The following TMEFF2 variants were observed in gnomAD, a reference collection of about 807,000 sequenced individuals.
TMEFF2 encodes tomoregulin-2.
In TMEFF2, 28 loss-of-function variants were observed where a neutral mutation model predicts 53.8. The ratio of observed to expected loss-of-function variants is 0.52; its 90% CI spans 0.39 to 0.71. The LOEUF is 0.71. TMEFF2 is among the 30% of genes least tolerant of loss of function. TMEFF2 has a pLI of 0.00. For synonymous variants in TMEFF2, 162 were observed against 166.3 expected, an observed-to-expected ratio of 0.97 and a Z score of 0.20; for missense variants, 353 against 455.2, an observed-to-expected ratio of 0.78 and a Z score of 2.04.
intron 4 of TMEFF2, among the ~76,000 whole-genome samples, chr2:192,059,924 G>T (rs1231433405): frequency 2.0e-5 from 3 of 152,040 alleles, no homozygotes; most frequent in African/African-American, 7.2e-5. Context: ...GGAAGCATTG[G>T]TTTGCACCTT....
At chr2:192,163,260 T>C (rs6754386) in intron 4 of TMEFF2, among the ~76,000 whole-genome samples, 152,138 of 152,326 alleles carry the variant, frequency 1, 75,976 homozygotes, top group Middle Eastern at 1. Flanking sequence ...GACATTTACA[T>C]TGACAAAGAA....
At position 191,956,576 on chromosome 2, in the gene TMEFF2, T is replaced by C. The variant is rs192988411; in HGVS notation, c.746-198A>G. Among the ~76,000 whole-genome samples the C allele has an allele frequency of 1.3e-3, 200 of 152,330 alleles. 2 individuals carry two copies. Among genetic ancestry groups the C allele is most frequent in the African/African-American group, 4.5e-3 (189 of 41,590 alleles). On this transcript the variant is annotated intron_variant, in intron 7 of 9. Coordinates refer to ENST00000272771, the MANE Select transcript of TMEFF2 (RefSeq NM_016192.4). ...TGTTTAGAGATGAAATTTGCAAAATTACCCAGTGCTTTTTATGCTTTCATG... is the reference window on the plus strand; with the variant it reads ...TGTTTAGAGATGAAATTTGCAAAATCACCCAGTGCTTTTTATGCTTTCATG...
rs142497990 is a variant in TMEFF2 at position 192,112,917 on chromosome 2, T to C, written c.440-55142A>G. On this transcript the variant is annotated intron_variant, in intron 4 of 9. Coordinates refer to ENST00000272771, the MANE Select transcript of TMEFF2 (RefSeq NM_016192.4). The stretch of plus-strand genomic sequence containing the variant: ...CAAGTAAGACATGCCTTTCACCTTC[T>C]GCCATGATTGTGAGGCCTCCTCAGC... 2.1e-3 allele frequency among the ~76,000 whole-genome samples: 317 copies of C among 152,290 alleles called. No homozygotes were observed. The East Asian group carries it at 0.023, about 11-fold the overall frequency.
chr2:192,037,281 G>C (rs1242305021), intron 5 of TMEFF2, among the ~76,000 whole-genome samples: 1 of 113,946 alleles, frequency 8.8e-6, no homozygotes, highest in South Asian at 2.7e-4. Context: ...AATAAAGAAA[G>C]AAAGAAAGAA....
At chr2:192,033,366 T>C (rs1401626166) in intron 5 of TMEFF2, among the ~76,000 whole-genome samples, 2 of 152,194 alleles carry the variant, frequency 1.3e-5, no homozygotes, top group Admixed American at 6.5e-5. Context: ...AAATTCTCTT[T>C]ATATGAATGA....
chr2:192,088,301 C>G (rs1039066461), intron 4 of TMEFF2, among the ~76,000 whole-genome samples: 4 of 152,040 alleles, frequency 2.6e-5, no homozygotes, highest in African/African-American at 9.7e-5. Flanking sequence ...GAAAGGGAGT[C>G]TCACACTGCC....
intron 5 of TMEFF2, chr2:192,036,590 G>A (rs1429847523): frequency 6.6e-6 from 1 of 152,202 alleles, no homozygotes; most frequent in Non-Finnish European, 1.5e-5. Flanking sequence ...AGGATTCTCA[G>A]TATACTTAGA....
At position 192,194,657 on chromosome 2, in the gene TMEFF2, G is replaced by A; in HGVS notation, c.-133C>T. 3 of 977,364 alleles carry A rather than the reference G, an allele frequency of 3.1e-6. No homozygotes were observed. Among genetic ancestry groups the A allele is most frequent in the Non-Finnish European group, 4.6e-6 (3 of 654,620 alleles). The allele number at this position is 977,364 out of a possible 1,614,324, so 60.5% of individuals were successfully genotyped here. ...GGCGGCGGTGGCAGTGGCACCCGGC[G>A]GGGAAGCAGCAGCCAAACCCGCGCA... On this transcript the variant is annotated 5_prime_UTR_variant, in exon 1 of 10. Transcript: ENST00000272771. The surrounding 1 kb of genome is among the most constrained non-coding windows in gnomAD (Gnocchi z 4.2).
chr2:192,134,718 A>G (rs1346568589), intron 4 of TMEFF2, among the ~76,000 whole-genome samples: 15 of 152,124 alleles, frequency 9.9e-5, no homozygotes, highest in Non-Finnish European at 1.9e-4. Flanking sequence ...CACTTTCACT[A>G]GATAAGTAGA....
chr2:191,975,590 C>G (rs748091738), intron 7 of TMEFF2, among the ~76,000 whole-genome samples: 4 of 151,784 alleles, frequency 2.6e-5, no homozygotes, highest in Non-Finnish European at 5.9e-5. Context: ...CTTTGGAGGT[C>G]AGAACTTCTT....
chr2:192,115,869 CT>C (rs1440251753), intron 4 of TMEFF2, among the ~76,000 whole-genome samples: 3 of 152,002 alleles, frequency 2.0e-5, no homozygotes, highest in East Asian at 3.9e-4. Context: ...AAAGGGAACT[CT>C]TATAGACTGT....
At chr2:192,151,187 C>G (rs1476618383) in intron 4 of TMEFF2, among the ~76,000 whole-genome samples, 1 of 151,814 alleles carries the variant, frequency 6.6e-6, no homozygotes, top group Non-Finnish European at 1.5e-5. Flanking sequence ...TTTCCTGAGG[C>G]CTCCCCAGCC....
At chr2:192,179,551 T>C in intron 4 of TMEFF2, 117 bp downstream of exon 4, 1 of 1,174,220 alleles carries the variant, frequency 8.5e-7, no homozygotes, top group Non-Finnish European at 1.2e-6. Context: ...GTTTCACCTT[T>C]CCTAAAATGC....
At chr2:191,956,070 TTTG>T (rs1451841542) in intron 8 of TMEFF2, among the ~76,000 whole-genome samples, 182 bp downstream of exon 8, 4 of 151,134 alleles carry the variant, frequency 2.6e-5, no homozygotes, top group African/African-American at 9.7e-5. Context: ...TGCACATATT[TTTG>T]TTTTTTTTTA....
At chr2:192,122,591 G>A (rs775871064) in intron 4 of TMEFF2, among the ~76,000 whole-genome samples, 3 of 151,994 alleles carry the variant, frequency 2.0e-5, no homozygotes, top group South Asian at 2.1e-4. Context: ...ACTGATCAAC[G>A]GGGCAATGAA....
intron 4 of TMEFF2, among the ~76,000 whole-genome samples, chr2:192,075,298 T>TAAATATATATAA: frequency 2.7e-5 from 1 of 37,728 alleles, no homozygotes; most frequent in East Asian, 4.6e-4. Context: ...TATATATATA[T>TAAATATATATAA]ATATATATAT....
chr2:192,069,988 GTATATATATATATATATATATA>G (rs55800219), intron 4 of TMEFF2, among the ~76,000 whole-genome samples: 1,577 of 118,614 alleles, frequency 0.013, 25 homozygotes, highest in Non-Finnish European at 0.018. Context: ...GTGTGTGTGT[GTATATATATATATATATATATA>G]TATATATATA....
intron 4 of TMEFF2, among the ~76,000 whole-genome samples, chr2:192,097,511 C>G (rs1025304914): frequency 6.6e-6 from 1 of 152,172 alleles, no homozygotes; most frequent in African/African-American, 2.4e-5. Flanking sequence ...ACAACAGACA[C>G]CCTCAATGGA....
At chr2:192,186,503 T>C (rs1691315889) in intron 2 of TMEFF2, among the ~76,000 whole-genome samples, 1 of 152,166 alleles carries the variant, frequency 6.6e-6, no homozygotes, top group Non-Finnish European at 1.5e-5. Context: ...AGGATTATGT[T>C]GATCTATGAA....
Sources: allele counts gnomAD v4.1 joint callset (sites outside exome capture counted in the v4.1 genomes callset), GRCh38; gene constraint gnomAD v4.1.1; non-coding constraint Gnocchi (gnomAD v3.1); transcripts MANE v1.5; gene names NCBI Gene and HGNC (gene_info 2026-07-23, HGNC 2026-07-21).